RIT2: variants seen among roughly 807,000 people sequenced by gnomAD.
The protein encoded by RIT2 is Ras like without CAAX 2.
In RIT2, 24 loss-of-function variants were observed where a neutral mutation model predicts 23.7. The observed-to-expected ratio is 1.01, with a 90% CI of 0.73 to 1.43. The LOEUF (loss-of-function observed/expected upper bound fraction) is 1.43, where lower values mean the gene tolerates loss of function less well. Ranked by LOEUF, RIT2 falls within the 40% of genes most tolerant of loss-of-function variation. RIT2 has a pLI of 0.00. For synonymous variants in RIT2, 107 were observed against 91.1 expected, an observed-to-expected ratio of 1.17 and a Z score of -0.99; for missense variants, 236 against 266.9, an observed-to-expected ratio of 0.88 and a Z score of 0.81.
At chr18:43,050,519 T>A (rs1461358456) in intron 1 of RIT2, among the ~76,000 whole-genome samples, 2 of 152,082 alleles carry the variant, frequency 1.3e-5, no homozygotes, top group Non-Finnish European at 2.9e-5. Context: ...TATATTGGTT[T>A]GCGTCCAGGG....
At chr18:42,982,744 C>T (rs1026363529) in intron 2 of RIT2, among the ~76,000 whole-genome samples, 6 of 152,072 alleles carry the variant, frequency 3.9e-5, no homozygotes, top group Non-Finnish European at 7.4e-5. Context: ...TCCAAATTTA[C>T]ACTTGCTCAA....
chr18:43,077,254 C>T (rs1913048340), intron 1 of RIT2, among the ~76,000 whole-genome samples: 1 of 151,968 alleles, frequency 6.6e-6, no homozygotes, highest in Admixed American at 6.5e-5. Context: ...TCTATGTATA[C>T]GTACTGAGAA....
At chr18:42,775,279 A>G (rs1598648801) in intron 4 of RIT2, among the ~76,000 whole-genome samples, 1 of 152,186 alleles carries the variant, frequency 6.6e-6, no homozygotes, top group Non-Finnish European at 1.5e-5. Flanking sequence ...CCTCACAGTA[A>G]TAATTAAATA....
At chr18:43,078,917 C>T (rs1913089531) in intron 1 of RIT2, among the ~76,000 whole-genome samples, 1 of 152,120 alleles carries the variant, frequency 6.6e-6, no homozygotes, top group Non-Finnish European at 1.5e-5. Flanking sequence ...AGCAGGGACA[C>T]TGTAAAAGAT....
At chr18:43,005,669 A>T (rs28735705) in intron 2 of RIT2, among the ~76,000 whole-genome samples, 12,803 of 151,534 alleles carry the variant, frequency 0.084, 774 homozygotes, top group East Asian at 0.25. Context: ...CTCATTTTTT[A>T]AAAAAAATGC....
chr18:42,898,617 T>C (rs1056928912), intron 4 of RIT2, among the ~76,000 whole-genome samples: 5 of 152,224 alleles, frequency 3.3e-5, no homozygotes, highest in Admixed American at 6.5e-5. Context: ...TTGATTAATA[T>C]AGAGTCCACA....
chr18:43,052,754 A>G (rs1234565642), intron 1 of RIT2, among the ~76,000 whole-genome samples: 1 of 152,098 alleles, frequency 6.6e-6, no homozygotes, highest in Non-Finnish European at 1.5e-5. Flanking sequence ...CTTTAATGAC[A>G]TCTAATTACC....
intron 1 of RIT2, 106 bp from the exon 2 acceptor site, chr18:43,033,973 T>A (rs182646360): frequency 1.4e-6 from 1 of 711,446 alleles, no homozygotes; most frequent in African/African-American, 1.8e-5. Context: ...GGTGAATAAG[T>A]TAGTTATGTG....
intron 1 of RIT2, among the ~76,000 whole-genome samples, chr18:43,067,113 G>A (rs1033304191): frequency 1.3e-5 from 2 of 151,934 alleles, no homozygotes; most frequent in African/African-American, 4.8e-5. Context: ...AACTTTCTGG[G>A]ATACAACATG....
intron 4 of RIT2, among the ~76,000 whole-genome samples, chr18:42,759,754 C>CGG (rs1473372745): frequency 6.2e-5 from 5 of 80,268 alleles, no homozygotes; most frequent in African/African-American, 1.7e-4. Context: ...CACACACACA[C>CGG]ATACGGATAT....
chr18:43,063,006 G>A (rs1912687356), intron 1 of RIT2, among the ~76,000 whole-genome samples: 1 of 152,024 alleles, frequency 6.6e-6, no homozygotes, highest in African/African-American at 2.4e-5. Context: ...GATGGACATG[G>A]CAAAGAGATG....
intron 1 of RIT2, among the ~76,000 whole-genome samples, chr18:43,094,644 T>C (rs1913508019): frequency 1.3e-5 from 2 of 152,064 alleles, no homozygotes. Flanking sequence ...TGGAATGATA[T>C]ATGAAAAGAT....
chr18:42,969,040 TCTTA>T (rs566986247), intron 3 of RIT2, among the ~76,000 whole-genome samples: 44 of 152,318 alleles, frequency 2.9e-4, no homozygotes, highest in African/African-American at 7.9e-4. Context: ...TTGCATCGAC[TCTTA>T]CTTAGTAAGT....
intron 4 of RIT2, among the ~76,000 whole-genome samples, chr18:42,814,971 G>A (rs150257201): frequency 2.0e-4 from 30 of 152,214 alleles, no homozygotes; most frequent in Non-Finnish European, 2.5e-4. Context: ...TAGGAAAATG[G>A]GGACAGTAGT....
intron 4 of RIT2, among the ~76,000 whole-genome samples, chr18:42,904,338 C>G (rs1218829647): frequency 6.6e-6 from 1 of 152,142 alleles, no homozygotes; most frequent in African/African-American, 2.4e-5. Context: ...AGCAATGAGT[C>G]AGGACAGATG....
intron 4 of RIT2, among the ~76,000 whole-genome samples, chr18:42,756,027 C>A (rs1333625238): frequency 2.0e-5 from 3 of 151,808 alleles, no homozygotes; most frequent in Non-Finnish European, 2.9e-5. Flanking sequence ...TAAGAAAGGC[C>A]TAAGGCAGAA....
At chr18:42,814,315 C>T (rs749755211) in intron 4 of RIT2, among the ~76,000 whole-genome samples, 2 of 152,092 alleles carry the variant, frequency 1.3e-5, no homozygotes, top group South Asian at 2.1e-4. Context: ...AGGCAAGCAG[C>T]GTGGGACAAG....
intron 2 of RIT2, among the ~76,000 whole-genome samples, chr18:42,993,168 C>A (rs1050562333): frequency 6.6e-6 from 1 of 152,222 alleles, no homozygotes; most frequent in Admixed American, 6.5e-5. Context: ...GAAATCTGGC[C>A]ACTGGGCCAA....
intron 4 of RIT2, among the ~76,000 whole-genome samples, chr18:42,851,606 C>T (rs1907055694): frequency 6.6e-6 from 1 of 152,126 alleles, no homozygotes; most frequent in South Asian, 2.1e-4. Context: ...AATCCCAGGA[C>T]TTTGGGAGGT....
Sources: allele counts gnomAD v4.1 joint callset (sites outside exome capture counted in the v4.1 genomes callset), GRCh38; gene constraint gnomAD v4.1.1; transcripts MANE v1.5; gene names NCBI Gene and HGNC (gene_info 2026-07-23, HGNC 2026-07-21).